INPP4A: variants seen among roughly 807,000 people sequenced by gnomAD.
INPP4A encodes the protein inositol polyphosphate-4-phosphatase, type I, 107kD.
In INPP4A, 33 loss-of-function variants were observed where a neutral mutation model predicts 119.8. The observed-to-expected ratio is 0.28, with a 90% CI of 0.21 to 0.37. The LOEUF (loss-of-function observed/expected upper bound fraction) is 0.37, where lower values mean the gene tolerates loss of function less well. Ranked by LOEUF, INPP4A falls within the 10% of genes least tolerant of loss-of-function variation. The pLI, the probability that INPP4A is intolerant of heterozygous loss-of-function variation, is 1.00. For synonymous variants in INPP4A, 496 were observed against 500.7 expected, an observed-to-expected ratio of 0.99 and a Z score of 0.12; for missense variants, 956 against 1,289.9, an observed-to-expected ratio of 0.74 and a Z score of 3.97.
In INPP4A at chr2:98,539,080, A is replaced by G. The variant is rs192811027; in HGVS notation, c.670+99A>G. The G allele has an allele frequency of 6.3e-6, 4 of 635,904 alleles. No individual in the cohort carries two copies. In the East Asian group the frequency reaches 8.3e-5, roughly 13 times the overall value. The allele number at this position is 635,904 out of a possible 1,614,324, so 39.4% of individuals were successfully genotyped here. Reference sequence around the variant, plus strand: ...CCCACCTGCTGCGATTGTCCCAGCCATGCACCCTAATTGTCACCTCTCTGC... The same window carrying G: ...CCCACCTGCTGCGATTGTCCCAGCCGTGCACCCTAATTGTCACCTCTCTGC... On this transcript the variant is annotated intron_variant, in intron 9 of 24. Transcript: ENST00000409851.
chr2:98,450,968 A>G (rs1393199323), intron 1 of INPP4A, among the ~76,000 whole-genome samples: 2 of 152,086 alleles, frequency 1.3e-5, no homozygotes, highest in African/African-American at 4.8e-5. Context: ...ACGGGGTTTC[A>G]CCATGTTGGC....
chr2:98,530,877 T>TA (rs1009374478), intron 4 of INPP4A, among the ~76,000 whole-genome samples: 1 of 152,202 alleles, frequency 6.6e-6, no homozygotes, highest in Non-Finnish European at 1.5e-5. Context: ...CTGGGTGACT[T>TA]AAAAAATAGA....
intron 13 of INPP4A, among the ~76,000 whole-genome samples, chr2:98,552,129 G>T (rs1693644462): frequency 6.6e-6 from 1 of 152,190 alleles, no homozygotes; most frequent in African/African-American, 2.4e-5. Context: ...GGCTTTGCCT[G>T]TGGCTTGGCA....
At chr2:98,584,196 C>G (rs1424703200) in intron 24 of INPP4A, among the ~76,000 whole-genome samples, 1 of 152,262 alleles carries the variant, frequency 6.6e-6, no homozygotes, top group African/African-American at 2.4e-5. Flanking sequence ...CACTTTCCCT[C>G]TTTCACATTG....
intron 1 of INPP4A, among the ~76,000 whole-genome samples, chr2:98,474,993 T>G (rs1676907822): frequency 6.6e-6 from 1 of 152,054 alleles, no homozygotes; most frequent in South Asian, 2.1e-4. Context: ...GTATCAGAAG[T>G]TTTTTTTCTT....
intron 1 of INPP4A, among the ~76,000 whole-genome samples, chr2:98,455,963 G>A (rs767961878): frequency 1.2e-4 from 18 of 152,162 alleles, no homozygotes; most frequent in Non-Finnish European, 2.2e-4. Flanking sequence ...GGCTTTTCCA[G>A]CCTCTCTCCA....
rs77287522 is a variant in INPP4A, at chr2:98,508,306, A to G, written c.-165-10658A>G. Among the ~76,000 whole-genome samples the G allele has an allele frequency of 4.8e-3, 730 of 152,304 alleles. 5 individuals are homozygous for G. Among genetic ancestry groups the G allele is most frequent in the African/African-American group, 0.016 (666 of 41,572 alleles). On this transcript the variant is annotated intron_variant, in intron 1 of 24. Coordinates refer to ENST00000409851, the MANE Select transcript of INPP4A (RefSeq NM_001134225.2). ...GAGAAATCACCATCTTTGGCAATGA[A>G]TAAGGCACACCCAGCCTGCTTTGGG...
At chr2:98,481,169 C>A (rs1471112115) in intron 1 of INPP4A, among the ~76,000 whole-genome samples, 2 of 152,182 alleles carry the variant, frequency 1.3e-5, no homozygotes, top group Non-Finnish European at 2.9e-5. Flanking sequence ...ACTTTTCCTG[C>A]ATCTGACACG....
At chr2:98,558,799 G>A (rs540273142) in intron 16 of INPP4A, among the ~76,000 whole-genome samples, 9 of 152,364 alleles carry the variant, frequency 5.9e-5, no homozygotes, top group African/African-American at 2.2e-4. Flanking sequence ...ACATCCCAGT[G>A]TGACTTAGTA....
At chr2:98,503,622 A>G (rs1018223280) in intron 1 of INPP4A, among the ~76,000 whole-genome samples, 2 of 152,246 alleles carry the variant, frequency 1.3e-5, no homozygotes, top group African/African-American at 2.4e-5. Flanking sequence ...TCTTGCAGGC[A>G]GAGATCACTT....
intron 1 of INPP4A, among the ~76,000 whole-genome samples, chr2:98,505,699 C>A (rs1366930959): frequency 2.0e-5 from 3 of 152,208 alleles, no homozygotes; most frequent in East Asian, 1.9e-4. Flanking sequence ...CAGAGCCAGC[C>A]GTCACCACAG....
chr2:98,580,665 C>T (rs573662358), intron 24 of INPP4A, among the ~76,000 whole-genome samples: 5 of 152,224 alleles, frequency 3.3e-5, no homozygotes, highest in Non-Finnish European at 7.3e-5. Flanking sequence ...TTCGGGGCTC[C>T]TCTGGGAGAG....
intron 24 of INPP4A, among the ~76,000 whole-genome samples, chr2:98,581,252 G>T (rs879565721): frequency 7.9e-5 from 12 of 152,336 alleles, no homozygotes; most frequent in South Asian, 6.2e-4. Flanking sequence ...AGCCGAGAGA[G>T]TGAACATGGA....
chr2:98,565,937 C>T (rs1696349402), intron 20 of INPP4A, 92 bp from the exon 21 acceptor site: 6 of 1,511,532 alleles, frequency 4.0e-6, no homozygotes, highest in Non-Finnish European at 5.4e-6. Flanking sequence ...GCAGTTTGGC[C>T]ATCACTAAGC....
chr2:98,485,026 C>T (rs1679259072), intron 1 of INPP4A, among the ~76,000 whole-genome samples: 1 of 151,382 alleles, frequency 6.6e-6, no homozygotes. Flanking sequence ...TCTCACTTGG[C>T]TGGCCTCTTG....
chr2:98,524,517 G>A (rs1376847731), intron 4 of INPP4A, among the ~76,000 whole-genome samples: 1 of 152,140 alleles, frequency 6.6e-6, no homozygotes, highest in Non-Finnish European at 1.5e-5. Flanking sequence ...GTGGCCATGG[G>A]ACCATCAACC....
chr2:98,493,201 T>G (rs909978647), intron 1 of INPP4A, among the ~76,000 whole-genome samples: 8 of 151,912 alleles, frequency 5.3e-5, no homozygotes, highest in South Asian at 2.1e-4. Context: ...GAGCCCTGTG[T>G]TTTTTGGAAA....
chr2:98,571,773 A>G (rs1230223058), intron 22 of INPP4A: 2 of 152,390 alleles, frequency 1.3e-5, no homozygotes, highest in African/African-American at 4.8e-5. Flanking sequence ...CAGGGGCTGC[A>G]GGGGCAACCA....
At chr2:98,585,850 C>G (rs979021319) in intron 24 of INPP4A, among the ~76,000 whole-genome samples, 2 of 152,234 alleles carry the variant, frequency 1.3e-5, no homozygotes, top group African/African-American at 2.4e-5. Flanking sequence ...TCAAAGTTCA[C>G]AAATTATTCT....
Sources: allele counts gnomAD v4.1 joint callset (sites outside exome capture counted in the v4.1 genomes callset), GRCh38; gene constraint gnomAD v4.1.1; transcripts MANE v1.5; gene names NCBI Gene and HGNC (gene_info 2026-07-23, HGNC 2026-07-21).